DDX19B: variants seen among roughly 807,000 people sequenced by gnomAD.
DDX19B encodes ATP-dependent RNA helicase DDX19B.
Under a neutral mutation model 58.1 loss-of-function variants are expected in DDX19B, and 27 were observed. That is an observed-to-expected ratio of 0.46 (90% CI 0.34 to 0.64). DDX19B has a LOEUF of 0.64. Ranked by LOEUF, DDX19B falls within the 30% of genes least tolerant of loss-of-function variation. DDX19B has a pLI of 0.01. For synonymous variants in DDX19B, 187 were observed against 214.4 expected (o/e 0.87, Z 1.12); for missense variants, 399 against 596.5 (o/e 0.67, Z 3.45).
chr16:70,307,675 ATGTG>A (rs35186561), intron 1 of DDX19B, among the ~76,000 whole-genome samples: 4 of 149,324 alleles, frequency 2.7e-5, no homozygotes, highest in African/African-American at 7.4e-5. Flanking sequence ...ATGTATATAT[ATGTG>A]TGTGTGTGTG....
chr16:70,327,237 A>G (rs1470417847), intron 7 of DDX19B, among the ~76,000 whole-genome samples: 1 of 151,940 alleles, frequency 6.6e-6, no homozygotes, highest in East Asian at 1.9e-4. Flanking sequence ...CTAATTTTCT[A>G]AAAATTTTTT....
At chr16:70,302,136 G>A (rs1160323107) in intron 1 of DDX19B, among the ~76,000 whole-genome samples, 1 of 151,734 alleles carries the variant, frequency 6.6e-6, no homozygotes. Flanking sequence ...GGCCAGGCTG[G>A]TCTTGAACTC....
upstream of DDX19B, among the ~76,000 whole-genome samples, chr16:70,290,516 A>T (rs546937218): frequency 1.3e-5 from 2 of 151,192 alleles, no homozygotes; most frequent in Non-Finnish European, 2.9e-5. Context: ...ACGGAGCAAG[A>T]CTCCGTCTCA....
upstream of DDX19B, among the ~76,000 whole-genome samples, chr16:70,294,577 C>A (rs1597457582): frequency 6.6e-6 from 1 of 152,310 alleles, no homozygotes; most frequent in African/African-American, 2.4e-5. Context: ...ATGTGTTAGT[C>A]ACTGAGGATC....
intron 2 of DDX19B, among the ~76,000 whole-genome samples, chr16:70,313,584 T>C (rs1486269121): frequency 6.6e-6 from 1 of 152,202 alleles, no homozygotes; most frequent in Non-Finnish European, 1.5e-5. Flanking sequence ...ATTTTTTTCT[T>C]AATGTTCTCA....
Position 70,301,491 on chromosome 16 carries a change from A to T in DDX19B, c.57+2137A>T, listed in dbSNP as rs371225919. ...CTTCTGTTTGTCTTTAATATTCAGAAAATTTATGGTAATATGTCTTGGTAT... is the reference window on the plus strand; with the variant it reads ...CTTCTGTTTGTCTTTAATATTCAGATAATTTATGGTAATATGTCTTGGTAT... On this transcript the variant is annotated intron_variant, in intron 1 of 11. Coordinates refer to ENST00000288071, the MANE Select transcript of DDX19B (RefSeq NM_007242.7). Among the ~76,000 whole-genome samples the T allele has an allele frequency of 2.2e-4, 33 of 152,150 alleles. No individual in the cohort carries two copies. The South Asian group carries it at 6.7e-3, about 31-fold the overall frequency.
In DDX19B at chr16:70,333,755, G is replaced by A; in HGVS notation, c.*173G>A. On this transcript the variant is annotated 3_prime_UTR_variant, in exon 12 of 12. Transcript: ENST00000288071. ...TGACAAAAATGTATGCAAATGATGG[G>A]GGATGGTAGAAAAAAATTATTTACA... The A allele has an allele frequency of 1.1e-6, 1 of 940,810 alleles. No individual in the cohort carries two copies. The highest frequency in any genetic ancestry group is 2.4e-5 in the East Asian group (1 of 41,110). The allele number at this position is 940,810 out of a possible 1,614,324, so 58.3% of individuals were successfully genotyped here.
intron 4 of DDX19B, 154 bp downstream of exon 4, chr16:70,316,258 G>A: frequency 2.7e-6 from 3 of 1,110,434 alleles, no homozygotes; most frequent in East Asian, 5.1e-5. Flanking sequence ...TGCCCAGGCT[G>A]GAGTGCAGTA....
chr16:70,307,227 T>C (rs1336755193), intron 1 of DDX19B, among the ~76,000 whole-genome samples: 1 of 152,240 alleles, frequency 6.6e-6, no homozygotes, highest in African/African-American at 2.4e-5. Flanking sequence ...TACTCGGGTA[T>C]ATATCTAGAA....
rs1457085520 is a variant in DDX19B at position 70,333,573 on chromosome 16, A to G, written c.1431A>G (p.Ile477Met). Reference sequence around the variant, plus strand: ...ATGATTTGGACGAGATTGAGAAAATAGCCAACTGAGAAGCTCCACCAGCCA... The same window carrying G: ...ATGATTTGGACGAGATTGAGAAAATGGCCAACTGAGAAGCTCCACCAGCCA... The part of the protein sequence containing the change: ...DTDDLDEIEK[I>M]AN The change falls in exon 12 of 12, where the codon ATA (isoleucine) becomes ATG (methionine). Residue 477 changes from isoleucine (I) to methionine (M), a missense_variant. This residue lies in a region of DDX19B where 198 missense variants were observed against 345.9 expected (regional missense o/e 0.57). Coordinates refer to ENST00000288071, the MANE Select transcript of DDX19B (RefSeq NM_007242.7). 1.2e-6 allele frequency: 2 copies of G among 1,613,904 alleles called. No individual in the cohort carries two copies. The highest frequency in any genetic ancestry group is 1.7e-5 in the Admixed American group (1 of 59,994).
At chr16:70,322,179 G>A (rs905574900) in intron 5 of DDX19B, among the ~76,000 whole-genome samples, 3 of 152,098 alleles carry the variant, frequency 2.0e-5, no homozygotes, top group African/African-American at 4.8e-5. Flanking sequence ...GACCTCATCT[G>A]TATTAAAGGG....
At chr16:70,293,433 G>A (rs1457020523), upstream of DDX19B, among the ~76,000 whole-genome samples, 3 of 146,786 alleles carry the variant, frequency 2.0e-5, no homozygotes, top group Non-Finnish European at 4.5e-5. Context: ...AAAAAAAAAA[G>A]AAAGAAATGG....
rs1041110256 is a variant in DDX19B at position 70,333,303 on chromosome 16, G to A, written c.1378+144G>A. On this transcript the variant is annotated intron_variant, in intron 11 of 11. Transcript: ENST00000288071. The stretch of plus-strand genomic sequence containing the variant: ...TTCTGACCATATGGCAGTTCTCAGG[G>A]AGCACACCTGGAGACTTCAGGACCC... 12 of 1,145,474 alleles carry A rather than the reference G, an allele frequency of 1.0e-5. No individual in the cohort carries two copies. In the African/African-American group the frequency reaches 1.9e-4, roughly 18 times the overall value. 71.0% of individuals were successfully genotyped at this position (1,145,474 alleles called of 1,614,324 possible).
intron 5 of DDX19B, among the ~76,000 whole-genome samples, chr16:70,324,285 C>T (rs1213247657): frequency 6.8e-6 from 1 of 147,986 alleles, no homozygotes; most frequent in East Asian, 2.0e-4. Flanking sequence ...ATCACTTGAG[C>T]CCAGGAGGTT....
intron 5 of DDX19B, among the ~76,000 whole-genome samples, chr16:70,322,124 T>C (rs934551074): frequency 5.3e-5 from 8 of 152,110 alleles, no homozygotes; most frequent in Non-Finnish European, 1.0e-4. Flanking sequence ...GGCAGGCAGA[T>C]GGCTTGAGCC....
chr16:70,293,568 T>TACAA (rs1961112362), upstream of DDX19B, among the ~76,000 whole-genome samples: 1 of 150,808 alleles, frequency 6.6e-6, no homozygotes, highest in Non-Finnish European at 1.5e-5. Flanking sequence ...GCTGGCTTAT[T>TACAA]TGGTACTAAG....
At chr16:70,330,159 G>A (rs1268059496) in intron 9 of DDX19B, 91 bp downstream of exon 9, 103 of 1,461,318 alleles carry the variant, frequency 7.0e-5, no homozygotes, top group Non-Finnish European at 9.3e-5. Flanking sequence ...TGGGTGCCAT[G>A]GGAAGAAACG....
chr16:70,311,902 C>T (rs1277258005), intron 1 of DDX19B, among the ~76,000 whole-genome samples: 1 of 151,420 alleles, frequency 6.6e-6, no homozygotes, highest in African/African-American at 2.4e-5. Flanking sequence ...GGTGTAGTGG[C>T]GTGATCTTGG....
rs200110458 is a variant in DDX19B at position 70,329,790 on chromosome 16, C to G, written c.786-41C>G. On this transcript the variant is annotated intron_variant, in intron 8 of 11. Coordinates refer to ENST00000288071, the MANE Select transcript of DDX19B (RefSeq NM_007242.7). The stretch of plus-strand genomic sequence containing the variant: ...GGAAGGCTGTGCTTCTGTCGCTTCC[C>G]GGGGCCACCTGGGGCCACCTACCAG... 3.7e-6 allele frequency: 6 copies of G among 1,612,162 alleles called. No homozygotes were observed. The African/African-American group carries it at 4.0e-5, about 11-fold the overall frequency.
Sources: gnomAD v4.1 joint callset for allele counts (sites outside exome capture counted in the v4.1 genomes callset) on GRCh38, gnomAD v4.1.1 for gene constraint, gnomAD v4.1.1 regional missense constraint, MANE v1.5 for transcripts, NCBI Gene and HGNC (gene_info 2026-07-23, HGNC 2026-07-21) for gene names.